PPP2R2C: variants seen among roughly 807,000 people sequenced by gnomAD.
PPP2R2C encodes protein phosphatase 2, regulatory subunit B, gamma.
PPP2R2C carries 10 observed loss-of-function variants against 45.3 expected under a neutral mutation model. The ratio of observed to expected loss-of-function variants is 0.22; its 90% CI spans 0.14 to 0.37. PPP2R2C has a LOEUF of 0.37. Ranked by LOEUF, PPP2R2C falls within the 10% of genes least tolerant of loss-of-function variation. PPP2R2C has a pLI of 1.00. For missense variants in PPP2R2C, 308 were observed against 619.7 expected (o/e 0.50, Z 5.34); for synonymous variants, 257 against 245.4 (o/e 1.05, Z -0.44).
chr4:6,341,631 T>A (rs140482481), intron 6 of PPP2R2C, among the ~76,000 whole-genome samples: 3 of 152,142 alleles, frequency 2.0e-5, no homozygotes, highest in African/African-American at 7.2e-5. Context: ...TGTCATTAAG[T>A]GAAGGACCTT....
Position 6,438,748 on chromosome 4 carries a change from T to C in PPP2R2C, c.70+33412A>G, listed in dbSNP as rs190942642. On this transcript the variant is annotated intron_variant, in intron 1 of 8. Transcript: ENST00000382599. ...GCAGAATGAGAAGTTTCTCAGGATGTCTCTATTTCATTAGAGCAGAAACAC... is the reference window on the plus strand; with the variant it reads ...GCAGAATGAGAAGTTTCTCAGGATGCCTCTATTTCATTAGAGCAGAAACAC... Among the ~76,000 whole-genome samples, 94 of 152,350 alleles carry C rather than the reference T, an allele frequency of 6.2e-4. 1 individual carries two copies. The Middle Eastern group carries it at 0.02, about 33-fold the overall frequency.
chr4:6,410,849 A>G (rs1445559269), intron 1 of PPP2R2C, among the ~76,000 whole-genome samples: 3 of 133,548 alleles, frequency 2.2e-5, no homozygotes, highest in South Asian at 2.3e-4. Context: ...TGTTTTATTT[A>G]TTTATTTATT....
intron 5 of PPP2R2C, chr4:6,349,799 G>C: frequency 1.2e-6 from 1 of 849,434 alleles, no homozygotes; most frequent in South Asian, 5.4e-5. Context: ...GCTGAGGCAG[G>C]GGAATCACGT....
At chr4:6,462,651 C>A (rs1721386639) in intron 1 of PPP2R2C, among the ~76,000 whole-genome samples, 1 of 152,164 alleles carries the variant, frequency 6.6e-6, no homozygotes. Flanking sequence ...TCTCAGACAA[C>A]TGGGGACGTT....
chr4:6,532,528 C>T (rs555074967), intron 2 of PPP2R2C, among the ~76,000 whole-genome samples: 251 of 152,344 alleles, frequency 1.6e-3, no homozygotes, highest in Middle Eastern at 0.01. Flanking sequence ...TGGGGAGGCG[C>T]AGGCTCATTT....
At chr4:6,552,272 A>G (rs2108840692) in intron 1 of PPP2R2C, among the ~76,000 whole-genome samples, 1 of 152,314 alleles carries the variant, frequency 6.6e-6, no homozygotes, top group African/African-American at 2.4e-5. Flanking sequence ...GAAAAACAGA[A>G]GCTTATTCTC....
At chr4:6,421,968 CATA>C (rs1719007041) in intron 1 of PPP2R2C, among the ~76,000 whole-genome samples, 1 of 152,134 alleles carries the variant, frequency 6.6e-6, no homozygotes, top group African/African-American at 2.4e-5. Flanking sequence ...AAAGAAATCC[CATA>C]ATGTTTCAAG....
chr4:6,440,062 T>C (rs1390790274), intron 1 of PPP2R2C, among the ~76,000 whole-genome samples: 1 of 152,078 alleles, frequency 6.6e-6, no homozygotes, highest in Non-Finnish European at 1.5e-5. Flanking sequence ...TACATACAGG[T>C]CTCACAGGCT....
intron 2 of PPP2R2C, among the ~76,000 whole-genome samples, chr4:6,478,572 T>G (rs1008702643): frequency 6.6e-6 from 1 of 152,202 alleles, no homozygotes; most frequent in African/African-American, 2.4e-5. Context: ...TGTGATATGT[T>G]TTGTCACTGA....
At position 6,327,914 on chromosome 4, in the gene PPP2R2C, C is replaced by T. The variant is rs115202904; in HGVS notation, c.1052+1348G>A. ...CCCTGGACACAATGACTTGGCCCCC[C>T]ACTTGGATCCAGCCCTGCTTCCAGG... is the stretch of plus-strand genomic sequence containing the variant. On this transcript the variant is annotated intron_variant, in intron 8 of 8. Transcript: ENST00000382599. Among the ~76,000 whole-genome samples the T allele has an allele frequency of 2.6e-3, 399 of 152,312 alleles. 1 individual carries two copies. Among genetic ancestry groups the T allele is most frequent in the African/African-American group, 8.6e-3 (358 of 41,572 alleles).
chr4:6,454,094 C>T (rs1720884969), intron 1 of PPP2R2C, among the ~76,000 whole-genome samples: 1 of 152,200 alleles, frequency 6.6e-6, no homozygotes, highest in East Asian at 1.9e-4. Flanking sequence ...ACCCGTTCTT[C>T]CTGTGACTGT....
intron 2 of PPP2R2C, among the ~76,000 whole-genome samples, chr4:6,483,254 C>A (rs1005136530): frequency 7.9e-5 from 12 of 152,108 alleles, no homozygotes; most frequent in African/African-American, 2.7e-4. Context: ...TCTTTTCTTG[C>A]AATTTTCTAG....
chr4:6,356,507 G>C (rs147011650), intron 5 of PPP2R2C, among the ~76,000 whole-genome samples: 4 of 152,340 alleles, frequency 2.6e-5, no homozygotes, highest in Non-Finnish European at 4.4e-5. Flanking sequence ...ATCTGGGGGT[G>C]GCTCCAGCTC....
intron 1 of PPP2R2C, among the ~76,000 whole-genome samples, chr4:6,548,191 C>T (rs539911754): frequency 3.5e-4 from 53 of 151,940 alleles, no homozygotes; most frequent in Admixed American, 2.5e-3. Flanking sequence ...GCACTCCAGC[C>T]GGGGCAACAG....
At position 6,337,563 on chromosome 4, in the gene PPP2R2C, C is replaced by G. The variant is rs533748460; in HGVS notation, c.791-3832G>C. 1.4e-4 allele frequency among the ~76,000 whole-genome samples: 21 copies of G among 152,250 alleles called. No homozygotes were observed. In the South Asian group the frequency reaches 4.4e-3, roughly 32 times the overall value. On this transcript the variant is annotated intron_variant, in intron 6 of 8. Transcript: ENST00000382599. ...TGGCCTTAGTACCCCCTCGCCTGCTCAGGGGTCTCTCAGACCAGACTCCCC... is the reference window on the plus strand; with the variant it reads ...TGGCCTTAGTACCCCCTCGCCTGCTGAGGGGTCTCTCAGACCAGACTCCCC...
intron 1 of PPP2R2C, among the ~76,000 whole-genome samples, chr4:6,421,832 T>G (rs890747197): frequency 2.6e-5 from 4 of 152,178 alleles, no homozygotes; most frequent in African/African-American, 9.7e-5. Context: ...AAATAAGATG[T>G]AAAAAGGGCT....
intron 2 of PPP2R2C, among the ~76,000 whole-genome samples, chr4:6,489,822 A>G (rs528637871): frequency 2.8e-4 from 42 of 152,096 alleles, no homozygotes; most frequent in Non-Finnish European, 5.1e-4. Flanking sequence ...ACAGGAAACC[A>G]CCTGTTACCA....
chr4:6,333,169 G>C (rs1732550289), intron 7 of PPP2R2C, among the ~76,000 whole-genome samples: 1 of 152,178 alleles, frequency 6.6e-6, no homozygotes, highest in African/African-American at 2.4e-5. Flanking sequence ...TGCACCCTGG[G>C]AGGGCAACGC....
At chr4:6,390,355 T>C (rs1716524005) in intron 1 of PPP2R2C, among the ~76,000 whole-genome samples, 1 of 152,168 alleles carries the variant, frequency 6.6e-6, no homozygotes, top group South Asian at 2.1e-4. Context: ...ACTTCCAGAC[T>C]GCCCTGTGAA....
Sources: gnomAD v4.1 joint callset for allele counts (sites outside exome capture counted in the v4.1 genomes callset) on GRCh38, gnomAD v4.1.1 for gene constraint, MANE v1.5 for transcripts, NCBI Gene and HGNC (gene_info 2026-07-23, HGNC 2026-07-21) for gene names.